ACACA: variants seen among roughly 807,000 people sequenced by gnomAD.
The protein encoded by ACACA is acetyl-CoA carboxylase 1.
In ACACA, 103 loss-of-function variants were observed where a neutral mutation model predicts 296.1. That is an observed-to-expected ratio of 0.35 (90% CI 0.30 to 0.41). The LOEUF is 0.41. Among genes scored for constraint, ACACA ranks in the 10% least tolerant of loss-of-function variants. The pLI is 1.00. For missense variants in ACACA, 1,554 were observed against 2,989.7 expected (o/e 0.52, Z 11.20); for synonymous variants, 953 against 1,038.6 (o/e 0.92, Z 1.58).
intron 45 of ACACA, among the ~76,000 whole-genome samples, chr17:37,143,297 T>G (rs2075674972): frequency 6.6e-6 from 1 of 151,948 alleles, no homozygotes. Flanking sequence ...TTTTTTTTTT[T>G]TGCAATTACA....
rs1028988547 is a variant in ACACA at position 37,085,365 on chromosome 17, G to A, written c.*1951C>T. ...CTCGTTTGTGTCATAATTTGGTGGG[G>A]AGAGGGGAGGTAAATGAGTGTAACC... On this transcript the variant is annotated 3_prime_UTR_variant, in exon 56 of 56. Transcript: ENST00000616317. The A allele has an allele frequency of 1.1e-4, 42 of 374,510 alleles. No homozygotes were observed. In the East Asian group the frequency reaches 1.5e-3, roughly 13 times the overall value. The allele number at this position is 374,510 out of a possible 1,614,324, so 23.2% of individuals were successfully genotyped here.
At chr17:37,277,867 G>A in intron 6 of ACACA, 29 bp downstream of exon 6, 2 of 1,550,722 alleles carry the variant, frequency 1.3e-6, no homozygotes, top group Non-Finnish European at 1.8e-6. Flanking sequence ...GCTGAATTTG[G>A]TTTTAAAGGA....
intron 25 of ACACA, among the ~76,000 whole-genome samples, chr17:37,229,412 T>A (rs1336589022): frequency 6.6e-6 from 1 of 151,692 alleles, no homozygotes; most frequent in Non-Finnish European, 1.5e-5. Context: ...CACGCCATTC[T>A]CCTGCCTCAG....
At chr17:37,116,664 A>G (rs1164482561) in intron 50 of ACACA, among the ~76,000 whole-genome samples, 1 of 152,246 alleles carries the variant, frequency 6.6e-6, no homozygotes, top group Non-Finnish European at 1.5e-5. Flanking sequence ...CTATTAAAAT[A>G]TAAACAAACA....
chr17:37,276,101 C>T (rs1267226912), intron 7 of ACACA, 52 bp from the exon 8 acceptor site: 1 of 1,375,424 alleles, frequency 7.3e-7, no homozygotes, highest in East Asian at 2.3e-5. Context: ...GGCCTCATTT[C>T]TGGCACATGT....
intron 29 of ACACA, among the ~76,000 whole-genome samples, chr17:37,217,467 G>A (rs1397311181): frequency 6.6e-6 from 1 of 151,836 alleles, no homozygotes; most frequent in Non-Finnish European, 1.5e-5. Context: ...AAAATACTGT[G>A]GCTCATGCCT....
intron 48 of ACACA, among the ~76,000 whole-genome samples, chr17:37,125,444 T>G (rs1437313212): frequency 1.3e-5 from 2 of 152,194 alleles, no homozygotes; most frequent in African/African-American, 4.8e-5. Context: ...CCAAAGTGTT[T>G]TTCCTGAAAC....
At chr17:37,087,529 C>T in intron 55 of ACACA, 90 bp from the exon 56 acceptor site, 1 of 1,477,284 alleles carries the variant, frequency 6.8e-7, no homozygotes, top group Non-Finnish European at 9.4e-7. Flanking sequence ...AACATGTGTG[C>T]ACCGTCCACT....
intron 41 of ACACA, among the ~76,000 whole-genome samples, chr17:37,168,447 T>A (rs899108599): frequency 6.6e-6 from 1 of 151,974 alleles, no homozygotes; most frequent in Non-Finnish European, 1.5e-5. Flanking sequence ...TACCAAATAC[T>A]CTTCACTGGG....
At chr17:37,204,903 G>C (rs1172997509) in intron 33 of ACACA, among the ~76,000 whole-genome samples, 2 of 152,140 alleles carry the variant, frequency 1.3e-5, no homozygotes, top group African/African-American at 4.8e-5. Context: ...AGCACATTTG[G>C]GACATTTAAT....
intron 52 of ACACA, among the ~76,000 whole-genome samples, chr17:37,104,718 G>C (rs2073564232): frequency 6.6e-6 from 1 of 152,186 alleles, no homozygotes; most frequent in Non-Finnish European, 1.5e-5. Context: ...AAGGTGGGAA[G>C]GACTGCGGAG....
At chr17:37,128,023 T>TAAAAAAAAAAAAAAAAAAA (rs2074890198) in intron 47 of ACACA, among the ~76,000 whole-genome samples, 3 of 22,532 alleles carry the variant, frequency 1.3e-4, no homozygotes, top group Non-Finnish European at 2.3e-4. Flanking sequence ...AAACTCCATC[T>TAAAAAAAAAAAAAAAAAAA]CAAAAAAAAA....
intron 29 of ACACA, among the ~76,000 whole-genome samples, chr17:37,217,362 C>T (rs980176349): frequency 1.3e-5 from 2 of 150,324 alleles, no homozygotes; most frequent in Non-Finnish European, 3.0e-5. Context: ...ACACTTCTAA[C>T]GATGTGCTGG....
At chr17:37,335,683 G>A (rs932133099) in intron 2 of ACACA, among the ~76,000 whole-genome samples, 9 of 151,978 alleles carry the variant, frequency 5.9e-5, no homozygotes, top group Non-Finnish European at 1.0e-4. Flanking sequence ...TGGCATTGGC[G>A]GTATCACAAC....
intron 14 of ACACA, among the ~76,000 whole-genome samples, chr17:37,255,607 T>C (rs184006410): frequency 3.3e-5 from 5 of 152,300 alleles, no homozygotes; most frequent in African/African-American, 1.2e-4. Flanking sequence ...AAATCAGGAC[T>C]TAAACCTAAA....
At position 37,111,616 on chromosome 17, in the gene ACACA, T is replaced by C. The variant is rs2073975460; in HGVS notation, c.6480A>G (p.Thr2160=). 1.2e-6 allele frequency: 2 copies of C among 1,614,034 alleles called. No individual in the cohort carries two copies. The highest frequency in any genetic ancestry group is 3.3e-5 in the Admixed American group (2 of 60,004). ...CCTTTCTGCGGAATTTGATTTCTAC[T>C]GTCCCTTCTGGCTCCAGAACAGATC... ...SRGSVLEPEG[T]VEIKFRRKDL... Residue 2160 remains threonine, a synonymous_variant, in exon 52 of 56, where the codon ACA becomes ACG. Transcript: ENST00000616317.
intron 23 of ACACA, among the ~76,000 whole-genome samples, chr17:37,241,447 G>A (rs534017330): frequency 6.6e-6 from 1 of 152,150 alleles, no homozygotes; most frequent in Non-Finnish European, 1.5e-5. Context: ...GCTCATGCCT[G>A]TAATCCCAAC....
At chr17:37,319,427 G>C (rs2147102900) in intron 3 of ACACA, among the ~76,000 whole-genome samples, 1 of 152,258 alleles carries the variant, frequency 6.6e-6, no homozygotes, top group Admixed American at 6.5e-5. Flanking sequence ...ACAGATGGTA[G>C]GGAGTAACCT....
At chr17:37,154,821 C>T (rs896971169) in intron 43 of ACACA, among the ~76,000 whole-genome samples, 2 of 152,160 alleles carry the variant, frequency 1.3e-5, no homozygotes, top group African/African-American at 2.4e-5. Context: ...CTTAAAAATA[C>T]TTGCAGATAG....
Sources: gnomAD v4.1 joint callset for allele counts (sites outside exome capture counted in the v4.1 genomes callset) on GRCh38, gnomAD v4.1.1 for gene constraint, MANE v1.5 for transcripts, NCBI Gene and HGNC (gene_info 2026-07-23, HGNC 2026-07-21) for gene names.